Variants in LIN7A observed in about 807,000 individuals in gnomAD.
The protein encoded by LIN7A is protein lin-7 homolog A.
Under a neutral mutation model 29.8 loss-of-function variants are expected in LIN7A, and 25 were observed. The observed-to-expected ratio is 0.84, with a 90% confidence interval of 0.61 to 1.17. The LOEUF (loss-of-function observed/expected upper bound fraction) is 1.17, where lower values mean the gene tolerates loss of function less well. Ranked by LOEUF, LIN7A falls within the 50% of genes most tolerant of loss-of-function variation. The pLI is 0.00. For missense variants in LIN7A, 239 were observed against 287.0 expected (o/e 0.83, Z 1.21); for synonymous variants, 118 against 107.5 (o/e 1.10, Z -0.60).
intron 4 of LIN7A, among the ~76,000 whole-genome samples, chr12:80,818,227 T>C (rs78514900): frequency 0.098 from 14,945 of 152,168 alleles, 794 homozygotes; most frequent in East Asian, 0.19. Context: ...GGCCGGATCT[T>C]GGCTCACTGC....
intron 1 of LIN7A, among the ~76,000 whole-genome samples, chr12:80,904,802 T>A (rs1441473387): frequency 6.6e-6 from 1 of 152,196 alleles, no homozygotes; most frequent in Non-Finnish European, 1.5e-5. Flanking sequence ...AATCATAAAT[T>A]TTTTTATGCT....
chr12:80,937,595 A>G (rs925000707), intron 1 of LIN7A, 46 bp downstream of exon 1: 2 of 1,311,450 alleles, frequency 1.5e-6, no homozygotes, highest in South Asian at 1.6e-5. Flanking sequence ...GGAAGGGAGG[A>G]GGGGAGAGGG....
At chr12:80,879,599 G>A (rs1307201004) in intron 2 of LIN7A, among the ~76,000 whole-genome samples, 8 of 116,134 alleles carry the variant, frequency 6.9e-5, no homozygotes, top group African/African-American at 2.6e-4. Flanking sequence ...GGCTACTCTG[G>A]AACACTTTGC....
At chr12:80,919,836 G>C (rs1877211794) in intron 1 of LIN7A, among the ~76,000 whole-genome samples, 1 of 152,158 alleles carries the variant, frequency 6.6e-6, no homozygotes, top group South Asian at 2.1e-4. Flanking sequence ...CAGACACACA[G>C]AGGCTTCCTA....
chr12:80,906,021 AT>A lies in LIN7A; in HGVS notation c.83-16653del, dbSNP rs1249926278. On this transcript the variant is annotated intron_variant, in intron 1 of 5. Coordinates refer to ENST00000552864, the MANE Select transcript of LIN7A (RefSeq NM_004664.4). ...GATGGGAAGTCCTCAAAGAGCTAGT[AT>A]TTTTTTGTTTTTATTTAATATTTGT... 2.6e-5 allele frequency among the ~76,000 whole-genome samples: 4 copies of A among 152,054 alleles called. No homozygotes were observed. The South Asian group carries it at 6.2e-4, about 24-fold the overall frequency.
At chr12:80,865,603 A>C (rs1920996) in intron 2 of LIN7A, among the ~76,000 whole-genome samples, 64,590 of 152,018 alleles carry the variant, frequency 0.42, 14,203 homozygotes, top group East Asian at 0.68. Context: ...CAGTGCTGAA[A>C]TGTCCACTTT....
In LIN7A at chr12:80,911,466, A is replaced by G. The variant is rs140444487; in HGVS notation, c.83-22097T>C. On this transcript the variant is annotated intron_variant, in intron 1 of 5. Coordinates refer to ENST00000552864, the MANE Select transcript of LIN7A (RefSeq NM_004664.4). ...TGTAGACTCTAAGCATAAGGGATTA[A>G]TTTTAAAATTTATAAACAAGACATT... Among the ~76,000 whole-genome samples the G allele has an allele frequency of 1.8e-3, 274 of 152,110 alleles. 1 individual carries two copies. Among genetic ancestry groups the G allele is most frequent in the Admixed American group, 0.015 (236 of 15,274 alleles).
intron 4 of LIN7A, among the ~76,000 whole-genome samples, chr12:80,813,002 A>C (rs753957620): frequency 6.6e-6 from 1 of 152,124 alleles, no homozygotes; most frequent in Non-Finnish European, 1.5e-5. Flanking sequence ...CCGACATAAA[A>C]ATAAATATAC....
chr12:80,890,176 T>G (rs1317785463), intron 1 of LIN7A, among the ~76,000 whole-genome samples: 1 of 152,186 alleles, frequency 6.6e-6, no homozygotes. Context: ...GACATAAAAT[T>G]TAAAATTCCC....
At chr12:80,886,505 C>G (rs1395031334) in intron 2 of LIN7A, among the ~76,000 whole-genome samples, 1 of 151,844 alleles carries the variant, frequency 6.6e-6, no homozygotes, top group Non-Finnish European at 1.5e-5. Context: ...AAATTCCAAA[C>G]TTAGCAAATA....
intron 5 of LIN7A, among the ~76,000 whole-genome samples, chr12:80,803,017 A>G (rs1870795670): frequency 6.6e-6 from 1 of 152,218 alleles, no homozygotes; most frequent in South Asian, 2.1e-4. Context: ...TTTAAGTTCC[A>G]TACATATTTT....
Position 80,899,769 on chromosome 12 carries a change from TC to T in LIN7A, c.83-10401del, listed in dbSNP as rs202089536. Among the ~76,000 whole-genome samples the T allele has an allele frequency of 1.6e-4, 20 of 124,382 alleles. 2 individuals are homozygous for T. The South Asian group carries it at 1.9e-3, about 12-fold the overall frequency. The allele number at this position is 124,382 out of a possible 152,430, so 81.6% of individuals were successfully genotyped here. ...TCCTCTAGGTTTTCTTTTTTTCTTTTCTTTTTTTTTTTTTTTTGAGATCGAG... is the reference window on the plus strand; with the variant it reads ...TCCTCTAGGTTTTCTTTTTTTCTTTTTTTTTTTTTTTTTTTTGAGATCGAG... On this transcript the variant is annotated intron_variant, in intron 1 of 5. Transcript: ENST00000552864.
intron 1 of LIN7A, among the ~76,000 whole-genome samples, chr12:80,907,055 CTGTGTGTG>C (rs529376132): frequency 2.4e-4 from 35 of 145,396 alleles, no homozygotes; most frequent in African/African-American, 7.6e-4. Context: ...AGTGCGTGCT[CTGTGTGTG>C]TGTGTGTGTG....
In LIN7A at chr12:80,793,410, T is replaced by G. The variant is rs958795996; in HGVS notation, c.*4317A>C. 6.6e-6 allele frequency: 1 copy of G among 152,182 alleles called. No homozygotes were observed. The highest frequency in any genetic ancestry group is 2.4e-5 in the African/African-American group (1 of 41,452). 9.4% of individuals were successfully genotyped at this position (152,182 alleles called of 1,614,324 possible). ...TTTTAGAAAAGCAAGCTCACACAAA[T>G]CTGTGCAGGGAGTATTTCATGACTT... On this transcript the variant is annotated 3_prime_UTR_variant, in exon 6 of 6. Coordinates refer to ENST00000552864, the MANE Select transcript of LIN7A (RefSeq NM_004664.4).
chr12:80,907,089 G>T (rs1876523244), intron 1 of LIN7A, among the ~76,000 whole-genome samples: 3 of 150,606 alleles, frequency 2.0e-5, no homozygotes, highest in African/African-American at 7.3e-5. Context: ...GTGTGTGTGT[G>T]TGTGTGTGTT....
chr12:80,865,377 G>A (rs1030838923), intron 2 of LIN7A, among the ~76,000 whole-genome samples: 8 of 126,558 alleles, frequency 6.3e-5, no homozygotes, highest in Middle Eastern at 4.0e-3. Context: ...AAAGAATAAG[G>A]ATGCCTGCTT....
Position 80,903,143 on chromosome 12 carries a change from A to T in LIN7A, c.83-13774T>A, listed in dbSNP as rs115350335. 4.1e-3 allele frequency among the ~76,000 whole-genome samples: 623 copies of T among 151,996 alleles called. 3 individuals are homozygous for T. The highest frequency in any genetic ancestry group is 0.014 in the African/African-American group (591 of 41,514). ...TGTACTGCTTTAATATTTAAACATT[A>T]TCAAAACATTAAAACATTAAAAACC... On this transcript the variant is annotated intron_variant, in intron 1 of 5. Transcript: ENST00000552864.
intron 1 of LIN7A, among the ~76,000 whole-genome samples, chr12:80,929,186 A>G (rs996913293): frequency 6.6e-6 from 1 of 152,226 alleles, no homozygotes; most frequent in Non-Finnish European, 1.5e-5. Flanking sequence ...AAAGTCCTCA[A>G]TCTTTTCCAA....
chr12:80,908,684 A>T (rs1876605903), intron 1 of LIN7A, among the ~76,000 whole-genome samples: 1 of 152,116 alleles, frequency 6.6e-6, no homozygotes, highest in Non-Finnish European at 1.5e-5. Context: ...TAAAAACAGC[A>T]TTCTAATAGA....
Sources: gnomAD v4.1 joint callset for allele counts (sites outside exome capture counted in the v4.1 genomes callset) on GRCh38, gnomAD v4.1.1 for gene constraint, MANE v1.5 for transcripts, NCBI Gene and HGNC (gene_info 2026-07-23, HGNC 2026-07-21) for gene names.